The following GAN variants were observed in gnomAD, a reference collection of about 807,000 sequenced individuals.
GAN encodes epididymis secretory sperm binding protein.
A neutral mutation model predicts 71.3 loss-of-function variants in GAN; 48 were observed. That is an observed-to-expected ratio of 0.67 (90% CI 0.53 to 0.86). The LOEUF is 0.86. Ranked by LOEUF, GAN falls within the 40% of genes least tolerant of loss-of-function variation. GAN has a pLI of 0.00. For missense variants in GAN, 928 were observed against 770.1 expected (o/e 1.21, Z -2.43); for synonymous variants, 386 against 276.8 (o/e 1.39, Z -3.92).
chr16:81,326,687 A>C (rs1235415155), intron 1 of GAN, among the ~76,000 whole-genome samples: 1 of 152,254 alleles, frequency 6.6e-6, no homozygotes, highest in African/African-American at 2.4e-5. Context: ...CCTACTACCC[A>C]CCTAGACTAT....
intron 1 of GAN, among the ~76,000 whole-genome samples, chr16:81,340,285 A>G (rs774371007): frequency 2.0e-5 from 3 of 152,204 alleles, no homozygotes; most frequent in Non-Finnish European, 2.9e-5. Context: ...GTGGAAACAT[A>G]TGACAGTAGA....
intron 1 of GAN, among the ~76,000 whole-genome samples, chr16:81,345,923 A>G (rs1042802533): frequency 4.6e-5 from 7 of 152,214 alleles, no homozygotes; most frequent in Admixed American, 1.3e-4. Flanking sequence ...GGAATGTGCA[A>G]TCTGGATCCT....
At position 81,323,737 on chromosome 16, in the gene GAN, T is replaced by C. The variant is rs559649991; in HGVS notation, c.167+8457T>C. Among the ~76,000 whole-genome samples, 265 of 152,306 alleles carry C rather than the reference T, an allele frequency of 1.7e-3. 1 individual carries two copies. The highest frequency in any genetic ancestry group is 5.9e-3 in the African/African-American group (245 of 41,560). ...CAGCATCTATGTACTGGCAAGATGG[T>C]GGCAACGAACTGACAAGGCCACTGT... On this transcript the variant is annotated intron_variant, in intron 1 of 10. Coordinates refer to ENST00000648994, the MANE Select transcript of GAN (RefSeq NM_022041.4).
At position 81,362,496 on chromosome 16, in the gene GAN, C is replaced by G; in HGVS notation, c.974-3C>G. ...ATATTTGTGTTTCCTTTGATCTTTGCAGAAGGATTTTTGTTTGTATTCGGG... is the reference window on the plus strand; with the variant it reads ...ATATTTGTGTTTCCTTTGATCTTTGGAGAAGGATTTTTGTTTGTATTCGGG... On this transcript the variant is annotated splice_region_variant and splice_polypyrimidine_tract_variant and intron_variant, in intron 5 of 10. Coordinates refer to ENST00000648994, the MANE Select transcript of GAN (RefSeq NM_022041.4). 6.6e-7 allele frequency: 1 copy of G among 1,518,302 alleles called. No homozygotes were observed. Among genetic ancestry groups the G allele is most frequent in the Non-Finnish European group, 9.2e-7 (1 of 1,092,524 alleles). The allele number at this position is 1,518,302 out of a possible 1,614,324, so 94.1% of individuals were successfully genotyped here. A position where few individuals can be genotyped will look rare whatever the true frequency, so the allele number is the denominator to read the frequency against.
At chr16:81,341,407 A>G (rs565353710) in intron 1 of GAN, among the ~76,000 whole-genome samples, 284 of 152,350 alleles carry the variant, frequency 1.9e-3, no homozygotes, top group Non-Finnish European at 3.4e-3. Flanking sequence ...GTTACCCACA[A>G]AGGGAGCCCA....
rs1904302162 is a variant in GAN, at chr16:81,381,023, A to G, written c.*3427A>G. ...ATATTGCACTACCACTTTAATGATG[A>G]CACTTCCTTCATTGATGGCTTGGAA... On this transcript the variant is annotated 3_prime_UTR_variant, in exon 11 of 11. Coordinates refer to ENST00000648994, the MANE Select transcript of GAN (RefSeq NM_022041.4). The G allele has an allele frequency of 6.6e-6, 1 of 152,194 alleles. No individual in the cohort carries two copies. Among genetic ancestry groups the G allele is most frequent in the African/African-American group, 2.4e-5 (1 of 41,432 alleles). The allele number at this position is 152,194 out of a possible 1,614,324, so 9.4% of individuals were successfully genotyped here.
At chr16:81,343,252 C>T (rs1910006419) in intron 1 of GAN, among the ~76,000 whole-genome samples, 1 of 152,188 alleles carries the variant, frequency 6.6e-6, no homozygotes, top group South Asian at 2.1e-4. Context: ...AAGGGGGAAT[C>T]CTCACTAACT....
intron 5 of GAN, among the ~76,000 whole-genome samples, chr16:81,361,927 C>A (rs543928595): frequency 2.6e-5 from 4 of 152,214 alleles, no homozygotes; most frequent in Non-Finnish European, 4.4e-5. Flanking sequence ...TGGGCTCAAG[C>A]AGTCCTTGTA....
Position 81,380,199 on chromosome 16 carries a change from C to A in GAN, c.*2603C>A, listed in dbSNP as rs1436564489. On this transcript the variant is annotated 3_prime_UTR_variant, in exon 11 of 11. Coordinates refer to ENST00000648994, the MANE Select transcript of GAN (RefSeq NM_022041.4). ...CATTTCATGCAGGTTTGTGTTTTAACATTCCACTTATGCCTTGAAACATCA... is the reference window on the plus strand; with the variant it reads ...CATTTCATGCAGGTTTGTGTTTTAAAATTCCACTTATGCCTTGAAACATCA... The A allele has an allele frequency of 6.6e-6, 1 of 152,616 alleles. No individual in the cohort carries two copies. Among genetic ancestry groups the A allele is most frequent in the Non-Finnish European group, 1.5e-5 (1 of 68,024 alleles). 9.5% of individuals were successfully genotyped at this position (152,616 alleles called of 1,614,324 possible).
chr16:81,318,363 G>T (rs1909114723), intron 1 of GAN, among the ~76,000 whole-genome samples: 1 of 152,156 alleles, frequency 6.6e-6, no homozygotes, highest in South Asian at 2.1e-4. Flanking sequence ...TGATTGTGTG[G>T]TTTAGAAGCA....
In GAN at chr16:81,365,013, A is replaced by G. The variant is rs757050107; in HGVS notation, c.1276A>G (p.Met426Val). The change falls in exon 8 of 11, where the codon ATG becomes GTG. Residue 426 changes from methionine (M) to valine (V), a missense_variant. Met to Val is a conservative substitution (Grantham distance 21). Coordinates refer to ENST00000648994, the MANE Select transcript of GAN (RefSeq NM_022041.4). ...YAAMKKKIYA[M>V]GGGSYGKLFE... ...AGCTATGAAAAAGAAAATCTACGCCATGGGTGGAGGCTCCTACGGAAAGCT... is the reference window on the plus strand; with the variant it reads ...AGCTATGAAAAAGAAAATCTACGCCGTGGGTGGAGGCTCCTACGGAAAGCT... The G allele has an allele frequency of 4.3e-6, 7 of 1,613,758 alleles. No individual in the cohort carries two copies. Among genetic ancestry groups the G allele is most frequent in the East Asian group, 2.2e-5 (1 of 44,880 alleles).
intron 8 of GAN, 58 bp from the exon 9 acceptor site, chr16:81,365,292 G>A (rs1910815348): frequency 9.3e-6 from 15 of 1,609,698 alleles, no homozygotes; most frequent in African/African-American, 2.7e-5. Context: ...GAGGAACGCG[G>A]GAGTGAGATC....
chr16:81,321,046 G>C (rs1343693846), intron 1 of GAN, among the ~76,000 whole-genome samples: 2 of 152,008 alleles, frequency 1.3e-5, no homozygotes, highest in Admixed American at 1.3e-4. Context: ...AGGCTTCTAA[G>C]GAAACTAAGC....
intron 9 of GAN, among the ~76,000 whole-genome samples, chr16:81,371,650 C>G (rs192855916): frequency 1.0e-3 from 157 of 152,288 alleles, no homozygotes; most frequent in African/African-American, 3.7e-3. Context: ...TCCTCTTTCT[C>G]AGGTTCTCCA....
intron 1 of GAN, among the ~76,000 whole-genome samples, chr16:81,325,725 A>ACT (rs1478237267): frequency 6.6e-6 from 1 of 152,182 alleles, no homozygotes; most frequent in Non-Finnish European, 1.5e-5. Flanking sequence ...GAACATGAGA[A>ACT]CTAAGAATGA....
chr16:81,327,146 C>T (rs756441730), intron 1 of GAN, among the ~76,000 whole-genome samples: 30 of 152,136 alleles, frequency 2.0e-4, no homozygotes, highest in African/African-American at 6.3e-4. Flanking sequence ...AAGAAGAGAC[C>T]GAATTCTTTA....
chr16:81,367,791 G>A (rs1458941522), intron 9 of GAN, among the ~76,000 whole-genome samples: 1 of 152,174 alleles, frequency 6.6e-6, no homozygotes, highest in East Asian at 1.9e-4. Context: ...TGTGCCCACA[G>A]ACACACAAGG....
chr16:81,327,127 A>G (rs573982805), intron 1 of GAN, among the ~76,000 whole-genome samples: 1 of 152,378 alleles, frequency 6.6e-6, no homozygotes, highest in South Asian at 2.1e-4. Context: ...ATGCCAAGAA[A>G]GCTGAGAGAA....
rs913307960 is a variant in GAN at position 81,386,749 on chromosome 16, C to G, written c.*9153C>G. ...ATCACCTGAGGTCGGCAGTTTGAGA[C>G]CAGCCTGACCAACGTGGAGAAACCC... On this transcript the variant is annotated 3_prime_UTR_variant, in exon 11 of 11. Coordinates refer to ENST00000648994, the MANE Select transcript of GAN (RefSeq NM_022041.4). 2 of 152,274 alleles carry G rather than the reference C, an allele frequency of 1.3e-5. No individual in the cohort carries two copies. The highest frequency in any genetic ancestry group is 6.5e-5 in the Admixed American group (1 of 15,292). The allele number at this position is 152,274 out of a possible 1,614,324, so 9.4% of individuals were successfully genotyped here.
Sources: gnomAD v4.1 joint callset for allele counts (sites outside exome capture counted in the v4.1 genomes callset) on GRCh38, gnomAD v4.1.1 for gene constraint, MANE v1.5 for transcripts, NCBI Gene and HGNC (gene_info 2026-07-23, HGNC 2026-07-21) for gene names.